CEP83: variants seen among roughly 807,000 people sequenced by gnomAD.
CEP83 encodes centrosomal protein of 83 kDa.
Under a neutral mutation model 101.9 loss-of-function variants are expected in CEP83, and 70 were observed. The ratio of observed to expected loss-of-function variants is 0.69; its 90% CI spans 0.57 to 0.84. The LOEUF is 0.84. Among genes scored for constraint, CEP83 ranks in the 40% least tolerant of loss-of-function variants. The pLI is 0.00. For synonymous variants in CEP83, 264 were observed against 267.9 expected, an observed-to-expected ratio of 0.99 and a Z score of 0.14; for missense variants, 715 against 787.2, an observed-to-expected ratio of 0.91 and a Z score of 1.10.
At chr12:94,324,137 G>C (rs1411024508) in intron 14 of CEP83, among the ~76,000 whole-genome samples, 1 of 152,068 alleles carries the variant, frequency 6.6e-6, no homozygotes, top group Non-Finnish European at 1.5e-5. Flanking sequence ...GATTCTATCA[G>C]GTTCTAATCT....
chr12:94,338,286 T>C (rs1423155758), intron 11 of CEP83, among the ~76,000 whole-genome samples: 1 of 152,048 alleles, frequency 6.6e-6, no homozygotes, highest in Admixed American at 6.6e-5. Context: ...AGAAAAAAGT[T>C]GAGCCAGATA....
chr12:94,331,289 GAAAAAAAAAAA>G (rs568464808), intron 14 of CEP83, among the ~76,000 whole-genome samples: 1 of 43,820 alleles, frequency 2.3e-5, no homozygotes, highest in Non-Finnish European at 3.5e-5. Flanking sequence ...CAGACTCTCA[GAAAAAAAAAAA>G]AAAAAAAAAA....
At chr12:94,303,616 T>C (rs951023928), downstream of CEP83, 18 of 645,236 alleles carry the variant, frequency 2.8e-5, no homozygotes, top group Non-Finnish European at 4.5e-5. Flanking sequence ...GCCTACTGCA[T>C]GAAGCCTTGT....
chr12:94,458,642 G>A (rs1360427628), intron 1 of CEP83, among the ~76,000 whole-genome samples: 1 of 151,930 alleles, frequency 6.6e-6, no homozygotes, highest in Non-Finnish European at 1.5e-5. Flanking sequence ...GGAGGCTGAG[G>A]CAGGAGAATC....
chr12:94,428,775 T>TA, intron 2 of CEP83, among the ~76,000 whole-genome samples: 1 of 152,300 alleles, frequency 6.6e-6, no homozygotes, highest in East Asian at 1.9e-4. Flanking sequence ...ATGGTCTACT[T>TA]ACAGTAAAAG....
At position 94,378,822 on chromosome 12, in the gene CEP83, G is replaced by A. The variant is rs370439685; in HGVS notation, c.770C>T (p.Ala257Val). 3.7e-6 allele frequency: 6 copies of A among 1,613,878 alleles called. No individual in the cohort carries two copies. The highest frequency in any genetic ancestry group is 5.1e-6 in the Non-Finnish European group (6 of 1,179,946). ...NAQRIQVRQL[A>V]EMQATVRSLE... Reference sequence around the variant, plus strand: ...GGATCTGACTGTAGCCTGCATCTCAGCCAACTGCCGCACCTGTATTCTTTG... The same window carrying A: ...GGATCTGACTGTAGCCTGCATCTCAACCAACTGCCGCACCTGTATTCTTTG... Residue 257 changes from alanine (A) to valine (V), a missense_variant, in exon 7 of 17, where the codon GCT becomes GTT. By Grantham distance (64) the Ala-to-Val change is moderately conservative. Coordinates refer to ENST00000397809, the MANE Select transcript of CEP83 (RefSeq NM_016122.3).
chr12:94,298,714 A>G, the CEP83 span: 1 of 1,613,298 alleles, frequency 6.2e-7, no homozygotes, highest in Non-Finnish European at 8.5e-7. Context: ...GCTATAAAAT[A>G]CTTTTTTGAC....
At chr12:94,437,398 A>G (rs2066077422) in intron 1 of CEP83, among the ~76,000 whole-genome samples, 1 of 152,116 alleles carries the variant, frequency 6.6e-6, no homozygotes, top group Non-Finnish European at 1.5e-5. Context: ...CACCCAGGAA[A>G]TTCATCACAA....
At chr12:94,328,649 T>C (rs2059075557) in intron 14 of CEP83, among the ~76,000 whole-genome samples, 1 of 152,216 alleles carries the variant, frequency 6.6e-6, no homozygotes, top group Admixed American at 6.5e-5. Context: ...GCATTATCTT[T>C]AACTTGAATG....
chr12:94,457,925 G>T (rs1312959940), intron 1 of CEP83, among the ~76,000 whole-genome samples: 1 of 152,152 alleles, frequency 6.6e-6, no homozygotes, highest in Non-Finnish European at 1.5e-5. Flanking sequence ...GGCCAGGCAC[G>T]CTGGCTCACA....
the CEP83 span, among the ~76,000 whole-genome samples, chr12:94,285,966 C>T: frequency 6.6e-6 from 1 of 152,096 alleles, no homozygotes; most frequent in Non-Finnish European, 1.5e-5. Context: ...TACCCACTGC[C>T]ATTAATAGGA....
At chr12:94,456,367 T>C (rs1158479422) in intron 1 of CEP83, among the ~76,000 whole-genome samples, 1 of 152,208 alleles carries the variant, frequency 6.6e-6, no homozygotes, top group Non-Finnish European at 1.5e-5. Flanking sequence ...ACTTACTCTC[T>C]TCTCTCAACA....
At chr12:94,432,118 G>A (rs532097440) in intron 2 of CEP83, among the ~76,000 whole-genome samples, 16 of 151,290 alleles carry the variant, frequency 1.1e-4, no homozygotes, top group African/African-American at 3.4e-4. Flanking sequence ...GCAGTGGCGC[G>A]ATCTCAGCTC....
chr12:94,432,218 C>G (rs1383463059), intron 2 of CEP83, among the ~76,000 whole-genome samples: 1 of 151,546 alleles, frequency 6.6e-6, no homozygotes, highest in Non-Finnish European at 1.5e-5. Context: ...CCACGCCCAG[C>G]TAATTTTTTT....
At chr12:94,441,297 A>G (rs868282860) in intron 1 of CEP83, among the ~76,000 whole-genome samples, 2 of 152,366 alleles carry the variant, frequency 1.3e-5, no homozygotes, top group Non-Finnish European at 1.5e-5. Context: ...TAATATCCAG[A>G]ATCTACGAGG....
the CEP83 span, among the ~76,000 whole-genome samples, chr12:94,280,527 A>G: frequency 6.6e-6 from 1 of 152,194 alleles, no homozygotes; most frequent in African/African-American, 2.4e-5. Context: ...AGACCATGCA[A>G]ATGTGGGGCA....
intron 6 of CEP83, among the ~76,000 whole-genome samples, chr12:94,394,817 G>C (rs1252829205): frequency 6.6e-6 from 1 of 152,212 alleles, no homozygotes; most frequent in Non-Finnish European, 1.5e-5. Flanking sequence ...CAAAGGATAT[G>C]AACAGACACT....
At chr12:94,314,949 CA>C (rs1179879410) in intron 14 of CEP83, among the ~76,000 whole-genome samples, 2 of 152,158 alleles carry the variant, frequency 1.3e-5, no homozygotes, top group African/African-American at 4.8e-5. Context: ...ACTTCTTTTT[CA>C]TTGCAATGTT....
At chr12:94,344,549 T>C (rs370873287) in intron 11 of CEP83, among the ~76,000 whole-genome samples, 14 of 151,986 alleles carry the variant, frequency 9.2e-5, no homozygotes, top group African/African-American at 3.4e-4. Flanking sequence ...AAACTATATT[T>C]CTATATGCAA....
Sources: gnomAD v4.1 joint callset for allele counts (sites outside exome capture counted in the v4.1 genomes callset) on GRCh38, gnomAD v4.1.1 for gene constraint, MANE v1.5 for transcripts, NCBI Gene and HGNC (gene_info 2026-07-23, HGNC 2026-07-21) for gene names.